ADGRL3: variants seen among roughly 807,000 people sequenced by gnomAD.
ADGRL3 encodes adhesion G protein-coupled receptor L3.
Under a neutral mutation model 153.5 loss-of-function variants are expected in ADGRL3, and 62 were observed. That is an observed-to-expected ratio of 0.40 (90% CI 0.33 to 0.50). The LOEUF is 0.50. ADGRL3 is among the 20% of genes least tolerant of loss of function. The probability of loss-of-function intolerance (pLI) is 0.47; values close to 1 mark genes in which losing one functional copy is unlikely to be tolerated. For synonymous variants in ADGRL3, 710 were observed against 672.5 expected, an observed-to-expected ratio of 1.06 and a Z score of -0.86; for missense variants, 1,641 against 1,859.4, an observed-to-expected ratio of 0.88 and a Z score of 2.16.
chr4:61,841,475 T>C (rs2148997339), intron 9 of ADGRL3, among the ~76,000 whole-genome samples: 1 of 152,320 alleles, frequency 6.6e-6, no homozygotes, highest in South Asian at 2.1e-4. Flanking sequence ...CTCATTGTAA[T>C]TGACCCAAAA....
chr4:61,644,458 T>C (rs1162151982), intron 5 of ADGRL3, among the ~76,000 whole-genome samples: 1 of 152,214 alleles, frequency 6.6e-6, no homozygotes, highest in Non-Finnish European at 1.5e-5. Context: ...CACACTGCTT[T>C]GAATGCGTCC....
intron 6 of ADGRL3, among the ~76,000 whole-genome samples, chr4:61,687,307 G>T (rs980984955): frequency 6.6e-6 from 1 of 151,872 alleles, no homozygotes; most frequent in Non-Finnish European, 1.5e-5. Context: ...GAGATGGGAG[G>T]TTATTCTGGA....
intron 8 of ADGRL3, among the ~76,000 whole-genome samples, chr4:61,784,805 G>C (rs1007744425): frequency 1.3e-5 from 2 of 152,084 alleles, no homozygotes; most frequent in African/African-American, 4.8e-5. Flanking sequence ...ACGAAAGGTT[G>C]AAAGATGAGG....
intron 2 of ADGRL3, among the ~76,000 whole-genome samples, chr4:61,451,858 T>A (rs2097678470): frequency 6.6e-6 from 1 of 152,114 alleles, no homozygotes; most frequent in Non-Finnish European, 1.5e-5. Context: ...AGAATAGAGG[T>A]CAGTTTCCCA....
chr4:61,267,784 T>A (rs1449279709), intron 1 of ADGRL3, among the ~76,000 whole-genome samples: 1 of 151,786 alleles, frequency 6.6e-6, no homozygotes, highest in African/African-American at 2.4e-5. Flanking sequence ...TCAGAGAAGA[T>A]ATCTGTCTCA....
intron 8 of ADGRL3, among the ~76,000 whole-genome samples, chr4:61,758,304 C>A (rs1297221850): frequency 2.0e-5 from 3 of 152,058 alleles, no homozygotes. Context: ...ATTATTATTG[C>A]CTGGGAGTCT....
At position 61,409,742 on chromosome 4, in the gene ADGRL3, A is replaced by G. The variant is rs184407144; in HGVS notation, c.-174+26553A>G. ...CAGAAAATAAAATGTCATGATTTTT[A>G]TTATTACAATAAAATTGACAATGAT... On this transcript the variant is annotated intron_variant, in intron 2 of 26. Coordinates refer to ENST00000683033, the MANE Select transcript of ADGRL3 (RefSeq NM_001387552.1). Among the ~76,000 whole-genome samples, 112 of 152,098 alleles carry G rather than the reference A, an allele frequency of 7.4e-4. 2 individuals are homozygous for G. The South Asian group carries it at 8.7e-3, about 12-fold the overall frequency.
At chr4:61,441,495 T>C (rs75105438) in intron 2 of ADGRL3, among the ~76,000 whole-genome samples, 2 of 144,116 alleles carry the variant, frequency 1.4e-5, no homozygotes, top group Non-Finnish European at 3.0e-5. Flanking sequence ...CTCTCTTTTT[T>C]CTTTGTAACC....
At chr4:61,684,883 TCTA>T (rs2095413855) in intron 6 of ADGRL3, among the ~76,000 whole-genome samples, 1 of 152,086 alleles carries the variant, frequency 6.6e-6, no homozygotes, top group Non-Finnish European at 1.5e-5. Context: ...AGAGTTTCAT[TCTA>T]GTAGATTTAA....
intron 8 of ADGRL3, among the ~76,000 whole-genome samples, chr4:61,796,031 C>T (rs1204019236): frequency 6.6e-6 from 1 of 152,090 alleles, no homozygotes; most frequent in Non-Finnish European, 1.5e-5. Context: ...TTAGTAGAGA[C>T]AGGGTTTCAC....
intron 4 of ADGRL3, among the ~76,000 whole-genome samples, chr4:61,540,270 C>T (rs969776445): frequency 6.6e-6 from 1 of 152,120 alleles, no homozygotes; most frequent in Non-Finnish European, 1.5e-5. Context: ...GGAAATCTGC[C>T]AGGCGTGGTG....
rs754347191 is a variant in ADGRL3 at position 61,948,188 on chromosome 4, G to A, written c.2717G>A (p.Arg906Gln). The change falls in exon 17 of 27, where the codon CGG (arginine) becomes CAG (glutamine). Residue 906 changes from arginine to glutamine, a missense_variant. Transcript: ENST00000683033. ...GGTTATTGGTCAACACAAGGCTGTCGGCTCCTGACAACAAATAAGACACAT... is the reference window on the plus strand; with the variant it reads ...GGTTATTGGTCAACACAAGGCTGTCAGCTCCTGACAACAAATAAGACACAT... ...MTGYWSTQGC[R>Q]LLTTNKTHTT... The A allele has an allele frequency of 2.5e-6, 4 of 1,613,638 alleles. No individual in the cohort carries two copies. Among genetic ancestry groups the A allele is most frequent in the African/African-American group, 1.3e-5 (1 of 74,984 alleles).
intron 2 of ADGRL3, among the ~76,000 whole-genome samples, chr4:61,449,426 C>T (rs1263789960): frequency 7.9e-5 from 12 of 152,002 alleles, no homozygotes; most frequent in Admixed American, 2.6e-4. Flanking sequence ...TGAGCCACCA[C>T]GCCCGGCCTA....
chr4:62,002,326 C>G (rs1478269422), intron 21 of ADGRL3, among the ~76,000 whole-genome samples: 3 of 149,836 alleles, frequency 2.0e-5, no homozygotes, highest in Admixed American at 6.7e-5. Context: ...TAGATATGCT[C>G]TCTTTTGCCT....
chr4:61,963,099 C>T (rs955889891), intron 17 of ADGRL3, among the ~76,000 whole-genome samples: 27 of 151,902 alleles, frequency 1.8e-4, no homozygotes, highest in African/African-American at 6.5e-4. Flanking sequence ...AAATGAGAGA[C>T]ACAATTATGA....
rs147399182 is a variant in ADGRL3 at position 61,983,507 on chromosome 4, G to A, written c.3140G>A (p.Arg1047His). ...LVEVFESEHS[R>H]RKYFYLVGYG... is the part of the protein sequence containing the mutation. ...GAGGTTTTTGAGAGTGAACATTCAC[G>A]TAGGAAATACTTTTATCTGGTCGGC... Residue 1047 changes from arginine to histidine, a missense_variant, in exon 19 of 27, where the codon CGT (arginine) becomes CAT (histidine). Around this residue, in one of 5 missense-constraint regions of ADGRL3, gnomAD observed 734 missense variants for 797.0 expected, o/e 0.92. Transcript: ENST00000683033. 920 of 1,613,942 alleles carry A rather than the reference G, an allele frequency of 5.7e-4. 8 individuals carry two copies. Among genetic ancestry groups the A allele is most frequent in the Non-Finnish European group, 5.4e-5 (64 of 1,179,866 alleles).
intron 1 of ADGRL3, among the ~76,000 whole-genome samples, chr4:61,256,972 A>G (rs909327845): frequency 3.9e-5 from 6 of 152,188 alleles, no homozygotes; most frequent in African/African-American, 1.4e-4. Flanking sequence ...ACACACACAT[A>G]AAATCAAATT....
rs1381107258 is a variant in ADGRL3 at position 61,775,815 on chromosome 4, C to A, written c.1400-37994C>A. On this transcript the variant is annotated intron_variant, in intron 8 of 26. Coordinates refer to ENST00000683033, the MANE Select transcript of ADGRL3 (RefSeq NM_001387552.1). ...CCTCCTGTAAAGCAGTATTAACGTC[C>A]ATTACGCTTCCAGCAGCAATACCTT... 9.3e-6 allele frequency: 6 copies of A among 646,906 alleles called. No individual in the cohort carries two copies. In the South Asian group the frequency reaches 1.0e-4, roughly 11 times the overall value. The allele number at this position is 646,906 out of a possible 1,614,324, so 40.1% of individuals were successfully genotyped here.
At chr4:61,963,166 A>C (rs1039746483) in intron 17 of ADGRL3, among the ~76,000 whole-genome samples, 1 of 146,010 alleles carries the variant, frequency 6.8e-6, no homozygotes, top group African/African-American at 2.4e-5. Context: ...TTTTTCAATA[A>C]ATTTTATATT....
Sources: allele counts gnomAD v4.1 joint callset (sites outside exome capture counted in the v4.1 genomes callset), GRCh38; gene constraint gnomAD v4.1.1; regional missense constraint gnomAD v4.1.1; transcripts MANE v1.5; gene names NCBI Gene and HGNC (gene_info 2026-07-23, HGNC 2026-07-21).